The following VWA5B1 variants were observed in gnomAD, a reference collection of about 807,000 sequenced individuals.
VWA5B1 encodes the protein von Willebrand factor A domain containing 5B1, also known as von Willebrand factor A domain-containing protein 5B1.
VWA5B1 carries 115 observed loss-of-function variants against 118.2 expected under a neutral mutation model. The ratio of observed to expected loss-of-function variants is 0.97; its 90% CI spans 0.84 to 1.14. The LOEUF (loss-of-function observed/expected upper bound fraction) is 1.14. VWA5B1 is among the 50% of genes most tolerant of loss of function. The probability of loss-of-function intolerance (pLI) is 0.00; values close to 1 mark genes in which losing one functional copy is unlikely to be tolerated. For synonymous variants in VWA5B1, 682 were observed against 658.4 expected (o/e 1.04, Z -0.55); for missense variants, 1,596 against 1,603.8 (o/e 1.00, Z 0.08).
intron 1 of VWA5B1, among the ~76,000 whole-genome samples, chr1:20,304,303 T>C (rs2088582087): frequency 6.6e-6 from 1 of 152,054 alleles, no homozygotes; most frequent in South Asian, 2.1e-4. Context: ...AGGAGGTGGA[T>C]CTAAGCCTTG....
At chr1:20,329,382 C>T (rs1372032724) in intron 9 of VWA5B1, among the ~76,000 whole-genome samples, 1 of 136,102 alleles carries the variant, frequency 7.3e-6, no homozygotes, top group Non-Finnish European at 1.5e-5. Context: ...GATCTTGGCT[C>T]ACTGCAACCT....
At chr1:20,339,548 A>C (rs1310554191) in intron 14 of VWA5B1, among the ~76,000 whole-genome samples, 1 of 151,746 alleles carries the variant, frequency 6.6e-6, no homozygotes, top group Non-Finnish European at 1.5e-5. Context: ...TGTCTCAAAC[A>C]AAACATCAAA....
chr1:20,323,125 G>T, intron 7 of VWA5B1: 1 of 365,006 alleles, frequency 2.7e-6, no homozygotes, highest in Non-Finnish European at 4.9e-6. Flanking sequence ...CAGTCGGATG[G>T]TGACAGAGCT....
Position 20,314,573 on chromosome 1 carries a change from T to C in VWA5B1, c.544T>C (p.Ser182Pro). 6.4e-7 allele frequency: 1 copy of C among 1,551,398 alleles called. No individual in the cohort carries two copies. Among genetic ancestry groups the C allele is most frequent in the Non-Finnish European group, 8.7e-7 (1 of 1,146,956 alleles). Residue 182 changes from serine (S) to proline (P), a missense_variant, in exon 4 of 22, where the codon TCC (serine) becomes CCC (proline). By Grantham distance (74) the Ser-to-Pro change is moderately conservative. Transcript: ENST00000289815. ...PQFCTKSTGT[S>P]NQQAQGKDRH... is the part of the protein sequence containing the mutation. Reference sequence around the variant, plus strand: ...GTTCTGCACCAAGAGCACTGGCACCTCCAACCAACAGGCCCAGGGGTAAGG... The same window carrying C: ...GTTCTGCACCAAGAGCACTGGCACCCCCAACCAACAGGCCCAGGGGTAAGG...
rs1000746674 is a variant in VWA5B1 at position 20,355,179 on chromosome 1, C to T, written c.*916C>T. On this transcript the variant is annotated 3_prime_UTR_variant, in exon 22 of 22. Coordinates refer to ENST00000289815, the MANE Select transcript of VWA5B1 (RefSeq NM_001039500.3). ...ACGAGGGAGCCACCACCAAGTAGGTCGCACCATGGGATCAGGGGGTCCTCT... is the reference window on the plus strand; with the variant it reads ...ACGAGGGAGCCACCACCAAGTAGGTTGCACCATGGGATCAGGGGGTCCTCT... Among the ~76,000 whole-genome samples, 1 of 152,186 alleles carries T rather than the reference C, an allele frequency of 6.6e-6. No homozygotes were observed. The highest frequency in any genetic ancestry group is 1.5e-5 in the Non-Finnish European group (1 of 68,042).
chr1:20,340,314 T>A (rs2089842743), intron 14 of VWA5B1, among the ~76,000 whole-genome samples: 1 of 152,164 alleles, frequency 6.6e-6, no homozygotes, highest in South Asian at 2.1e-4. Flanking sequence ...TGTGACCCAG[T>A]GTAGTGTTGA....
Position 20,330,170 on chromosome 1 carries a change from T to C in VWA5B1, c.1255-10T>C. ...TACGGTGACACTGGGGACTGTCTGC[T>C]TCTCTGCAGGACAGCTTGGCCATGG... On this transcript the variant is annotated splice_polypyrimidine_tract_variant and intron_variant, in intron 9 of 21. Coordinates refer to ENST00000289815, the MANE Select transcript of VWA5B1 (RefSeq NM_001039500.3). 6.4e-7 allele frequency: 1 copy of C among 1,551,752 alleles called. No individual in the cohort carries two copies. Among genetic ancestry groups the C allele is most frequent in the South Asian group, 1.2e-5 (1 of 84,062 alleles).
chr1:20,320,228 C>A (rs1405435470), intron 7 of VWA5B1, among the ~76,000 whole-genome samples: 3 of 152,194 alleles, frequency 2.0e-5, no homozygotes, highest in Non-Finnish European at 2.9e-5. Context: ...CACCAGTAAG[C>A]TGGAGGAAGG....
In VWA5B1 at chr1:20,354,255, T is replaced by A; in HGVS notation, c.3640T>A (p.Tyr1214Asn). The A allele has an allele frequency of 6.5e-7, 1 of 1,543,290 alleles. No homozygotes were observed. The highest frequency in any genetic ancestry group is 1.2e-5 in the South Asian group (1 of 83,220). The change falls in exon 22 of 22, where the codon TAT becomes AAT. Residue 1214 changes from tyrosine (Y) to asparagine (N), a missense_variant. Tyr to Asn is a moderately radical substitution (Grantham distance 143, BLOSUM62 -2). Coordinates refer to ENST00000289815, the MANE Select transcript of VWA5B1 (RefSeq NM_001039500.3). ...EFNMLCYNPN[Y>N]V ...CAATATGCTCTGCTATAACCCGAAT[T>A]ATGTGTAGTTGAGTGACGGGGAGGC... is the stretch of plus-strand genomic sequence containing the variant.
Position 20,293,627 on chromosome 1 carries a change from A to G in VWA5B1, c.-27+2539A>G, listed in dbSNP as rs546928879. Among the ~76,000 whole-genome samples the G allele has an allele frequency of 1.7e-3, 257 of 152,320 alleles. 1 individual carries two copies. Among genetic ancestry groups the G allele is most frequent in the African/African-American group, 5.7e-3 (235 of 41,566 alleles). On this transcript the variant is annotated intron_variant, in intron 1 of 21. Coordinates refer to ENST00000289815, the MANE Select transcript of VWA5B1 (RefSeq NM_001039500.3). ...CCTGGGAAGGGGCTTGAGCAAGGCC[A>G]AGAAGAGGGTCACCTAAACAGGAAG...
In VWA5B1 at chr1:20,343,274, C is replaced by T; in HGVS notation, c.2507C>T (p.Pro836Leu). Reference protein sequence around the residue: ...EVSFELGTPGPERGGAQDADL... With the variant: ...EVSFELGTPGLERGGAQDADL... ...AGCTTCGAGCTGGGGACCCCTGGAC[C>T]GGAGCGGGGCGGCGCGCAGGATGCC... Residue 836 changes from proline to leucine, a missense_variant, in exon 16 of 22, where the codon CCG becomes CTG. Coordinates refer to ENST00000289815, the MANE Select transcript of VWA5B1 (RefSeq NM_001039500.3). The T allele has an allele frequency of 3.2e-6, 5 of 1,548,136 alleles. No individual in the cohort carries two copies. The highest frequency in any genetic ancestry group is 1.4e-5 in the African/African-American group (1 of 73,142).
chr1:20,291,350 T>TC (rs1491288205), intron 1 of VWA5B1, among the ~76,000 whole-genome samples: 17 of 124,330 alleles, frequency 1.4e-4, no homozygotes, highest in Non-Finnish European at 2.2e-4. Context: ...TCTTTCTTTC[T>TC]TTCTTTCTTT....
intron 5 of VWA5B1, among the ~76,000 whole-genome samples, chr1:20,318,200 G>C (rs535908801): frequency 4.7e-4 from 72 of 151,880 alleles, no homozygotes; most frequent in Non-Finnish European, 8.7e-4. Context: ...TTTCTTGTCA[G>C]TGCGTCCTCT....
intron 14 of VWA5B1, among the ~76,000 whole-genome samples, chr1:20,340,594 A>G (rs578138903): frequency 2.0e-5 from 3 of 152,230 alleles, no homozygotes; most frequent in Non-Finnish European, 4.4e-5. Context: ...TACACCTGGT[A>G]AGTGTCTTTT....
Position 20,354,183 on chromosome 1 carries a change from C to T in VWA5B1, c.3568C>T (p.Arg1190Cys), listed in dbSNP as rs560960544. 2.2e-5 allele frequency: 34 copies of T among 1,551,256 alleles called. No individual in the cohort carries two copies. The East Asian group carries it at 3.2e-4, about 14-fold the overall frequency. The part of the protein sequence containing the change: ...RTQGTLKAAA[R>C]QLFVLLRHWD... ...GCAGGGCACACTCAAGGCCGCTGCC[C>T]GCCAGCTGTTTGTGCTTCTGCGGCA... The change falls in exon 22 of 22, where the codon CGC becomes TGC. Residue 1190 changes from arginine to cysteine, a missense_variant. Coordinates refer to ENST00000289815, the MANE Select transcript of VWA5B1 (RefSeq NM_001039500.3).
At chr1:20,301,523 G>A (rs1241981921) in intron 1 of VWA5B1, among the ~76,000 whole-genome samples, 1 of 152,202 alleles carries the variant, frequency 6.6e-6, no homozygotes, top group African/African-American at 2.4e-5. Context: ...ACCACTTCAA[G>A]GTTTTGCAGG....
At chr1:20,321,414 G>A (rs1331860141) in intron 7 of VWA5B1, among the ~76,000 whole-genome samples, 1 of 152,030 alleles carries the variant, frequency 6.6e-6, no homozygotes, top group East Asian at 1.9e-4. Flanking sequence ...GCGAAACCCC[G>A]TCTCTACTAA....
chr1:20,352,245 G>T (rs2090145416), intron 21 of VWA5B1, 73 bp downstream of exon 21: 2 of 1,129,760 alleles, frequency 1.8e-6, no homozygotes, highest in Non-Finnish European at 2.5e-6. Flanking sequence ...TGATCCCCCT[G>T]CCCACCTCTC....
At chr1:20,304,451 G>C (rs1328113769) in intron 1 of VWA5B1, among the ~76,000 whole-genome samples, 1 of 152,266 alleles carries the variant, frequency 6.6e-6, no homozygotes, top group Admixed American at 6.5e-5. Flanking sequence ...ACTGGAGAGA[G>C]ACAAGGACCC....
Sources: gnomAD v4.1 joint callset for allele counts (sites outside exome capture counted in the v4.1 genomes callset) on GRCh38, gnomAD v4.1.1 for gene constraint, MANE v1.5 for transcripts, NCBI Gene and HGNC (gene_info 2026-07-23, HGNC 2026-07-21) for gene names.